The following ZNF165 variants were observed in gnomAD, a reference collection of about 807,000 sequenced individuals.
ZNF165 encodes the protein cancer/testis antigen 53.
Under a neutral mutation model 19.6 loss-of-function variants are expected in ZNF165, and 14 were observed. That is an observed-to-expected ratio of 0.71 (90% confidence interval 0.47 to 1.12). The LOEUF is 1.12. Among genes scored for constraint, ZNF165 ranks in the 50% most tolerant of loss-of-function variants. The pLI is 0.00. For synonymous variants in ZNF165, 165 were observed against 195.0 expected (o/e 0.85, Z 1.28); for missense variants, 504 against 566.3 (o/e 0.89, Z 1.12).
At position 28,085,846 on chromosome 6, in the gene ZNF165, C is replaced by G; in HGVS notation, c.366C>G (p.Thr122=). 1 of 1,613,188 alleles carries G rather than the reference C, an allele frequency of 6.2e-7. No individual in the cohort carries two copies. The highest frequency in any genetic ancestry group is 8.5e-7 in the Non-Finnish European group (1 of 1,179,988). Residue 122 remains threonine, a synonymous_variant, in exon 2 of 4, where the codon ACC becomes ACG. Transcript: ENST00000683778. ...CAGAGAGTGGAGAGGAGGCAGTGAC[C>G]ATACTAGAAGATTTGGAGAGAGGCA... The part of the protein sequence containing the change: ...HYPESGEEAV[T]ILEDLERGTD...
intron 1 of ZNF165, among the ~76,000 whole-genome samples, chr6:28,082,362 GAC>G (rs1764174898): frequency 6.6e-6 from 1 of 152,204 alleles, no homozygotes; most frequent in East Asian, 1.9e-4. Flanking sequence ...AGGAATTAAA[GAC>G]ACACACAGAA....
chr6:28,088,801 TAC>T lies in ZNF165; in HGVS notation c.791_792del (p.Thr264SerfsTer4). On this transcript the variant is annotated frameshift_variant, in exon 4 of 4. Transcript: ENST00000683778. LOFTEE classifies it low-confidence loss of function (END_TRUNC). ...GFGKILTHKN[T>X]VRGEIISHDG... ...TTGGTAAAATCCTCACCCACAAAAA[TAC>T]AGTCAGAGGTGAAATAATAAGCCAC... 1 of 1,614,078 alleles carries T rather than the reference TAC, an allele frequency of 6.2e-7. No individual in the cohort carries two copies.
Position 28,089,531 on chromosome 6 carries a change from AAAAT to A in ZNF165, c.*67_*70del. 2.8e-6 allele frequency: 4 copies of A among 1,432,694 alleles called. No individual in the cohort carries two copies. Among genetic ancestry groups the A allele is most frequent in the Non-Finnish European group, 3.7e-6 (4 of 1,084,886 alleles). 88.7% of individuals were successfully genotyped at this position (1,432,694 alleles called of 1,614,324 possible). ...GCACAATATGAAAAATATTAAATAA[AAAAT>A]AAATATTGGGCAAGATGGAAGACTG... On this transcript the variant is annotated 3_prime_UTR_variant, in exon 4 of 4. Coordinates refer to ENST00000683778, the MANE Select transcript of ZNF165 (RefSeq NM_001376491.1).
Position 28,084,723 on chromosome 6 carries a change from A to G in ZNF165, c.1-758A>G, listed in dbSNP as rs953977952. 5.3e-5 allele frequency among the ~76,000 whole-genome samples: 8 copies of G among 152,222 alleles called. No individual in the cohort carries two copies. In the East Asian group the frequency reaches 1.5e-3, roughly 29 times the overall value. The stretch of plus-strand genomic sequence containing the variant: ...GTGGCCTCTATCTTTTCATATTGCC[A>G]CCCACCCTAGAAATGAAGAACATAT... On this transcript the variant is annotated intron_variant, in intron 1 of 3. Transcript: ENST00000683778.
chr6:28,087,590 T>G (rs899838184), intron 3 of ZNF165, among the ~76,000 whole-genome samples: 2 of 152,322 alleles, frequency 1.3e-5, no homozygotes, highest in Non-Finnish European at 1.5e-5. Flanking sequence ...TTCAGTTTTG[T>G]TCTGGAAACA....
intron 3 of ZNF165, among the ~76,000 whole-genome samples, chr6:28,087,616 T>C (rs1764307409): frequency 6.6e-6 from 1 of 152,198 alleles, no homozygotes; most frequent in South Asian, 2.1e-4. Flanking sequence ...ATCTGTCGTA[T>C]ATAAAATTGT....
upstream of ZNF165, among the ~76,000 whole-genome samples, chr6:28,080,311 G>A (rs1052122877): frequency 1.2e-4 from 18 of 152,174 alleles, no homozygotes; most frequent in Admixed American, 1.0e-3. Context: ...CTCCATCCGT[G>A]AGACGCACCC....
rs372270477 is a variant in ZNF165, at chr6:28,089,427, G to T, written c.1415G>T (p.Ser472Ile). The part of the protein sequence containing the change: ...GRAFSQSSNL[S>I]QHQRIHMREN... ...GCCTTCAGTCAGAGCTCAAACCTTA[G>T]TCAACACCAGAGAATTCACATGAGG... The change falls in exon 4 of 4, where the codon AGT (serine) becomes ATT (isoleucine). Residue 472 changes from serine to isoleucine, a missense_variant. Transcript: ENST00000683778. 6.2e-6 allele frequency: 10 copies of T among 1,611,388 alleles called. No homozygotes were observed. In the African/African-American group the frequency reaches 1.3e-4, roughly 22 times the overall value.
intron 3 of ZNF165, 42 bp downstream of exon 3, chr6:28,086,352 C>T (rs769074079): frequency 1.9e-6 from 3 of 1,573,294 alleles, no homozygotes; most frequent in Non-Finnish European, 2.6e-6. Flanking sequence ...ACTAAAGAAA[C>T]AGGGGAATGA....
In ZNF165 at chr6:28,089,522, A is replaced by G. The variant is rs1366235187; in HGVS notation, c.*52A>G. The G allele has an allele frequency of 1.4e-6, 2 of 1,463,132 alleles. No homozygotes were observed. Among genetic ancestry groups the G allele is most frequent in the Non-Finnish European group, 1.8e-6 (2 of 1,103,450 alleles). 90.6% of individuals were successfully genotyped at this position (1,463,132 alleles called of 1,614,324 possible). On this transcript the variant is annotated 3_prime_UTR_variant, in exon 4 of 4. Coordinates refer to ENST00000683778, the MANE Select transcript of ZNF165 (RefSeq NM_001376491.1). ...GAGGAAATGGCACAATATGAAAAAT[A>G]TTAAATAAAAAATAAATATTGGGCA...
Position 28,088,914 on chromosome 6 carries a change from T to G in ZNF165, c.902T>G (p.Phe301Cys). The G allele has an allele frequency of 6.2e-7, 1 of 1,614,132 alleles. No individual in the cohort carries two copies. The highest frequency in any genetic ancestry group is 8.5e-7 in the Non-Finnish European group (1 of 1,180,022). Residue 301 changes from phenylalanine to cysteine, a missense_variant, in exon 4 of 4, where the codon TTC (phenylalanine) becomes TGC (cysteine). Coordinates refer to ENST00000683778, the MANE Select transcript of ZNF165 (RefSeq NM_001376491.1). ...SCKHGTCDQSFKWNSDFINHQ... is the reference protein window; with the variant it reads ...SCKHGTCDQSCKWNSDFINHQ... ...AAACATGGTACCTGTGACCAGAGCTTCAAATGGAACTCAGATTTTATTAAC... is the reference window on the plus strand; with the variant it reads ...AAACATGGTACCTGTGACCAGAGCTGCAAATGGAACTCAGATTTTATTAAC...
intron 1 of ZNF165, among the ~76,000 whole-genome samples, chr6:28,085,034 T>C (rs1764241457): frequency 6.6e-6 from 1 of 152,228 alleles, no homozygotes; most frequent in South Asian, 2.1e-4. Context: ...TTTTCTATTC[T>C]TCAGAATTTC....
Position 28,085,725 on chromosome 6 carries a change from T to G in ZNF165, c.245T>G (p.Ile82Ser). The change falls in exon 2 of 4, where the codon ATC becomes AGC. Residue 82 changes from isoleucine to serine, a missense_variant. By Grantham distance (142) the Ile-to-Ser change is moderately radical (BLOSUM62 -2). Coordinates refer to ENST00000683778, the MANE Select transcript of ZNF165 (RefSeq NM_001376491.1). ...TGCTGTCAGTGGCTGAAGCCAGAGA[T>G]CCATACCAAGGAACAGATTCTGGAA... is the stretch of plus-strand genomic sequence containing the variant. ...ELCCQWLKPEIHTKEQILELL... is the reference protein window; with the variant it reads ...ELCCQWLKPESHTKEQILELL... The G allele has an allele frequency of 6.2e-7, 1 of 1,613,838 alleles. No homozygotes were observed. Among genetic ancestry groups the G allele is most frequent in the Non-Finnish European group, 8.5e-7 (1 of 1,180,020 alleles).
chr6:28,089,292 C>T lies in ZNF165; in HGVS notation c.1280C>T (p.Pro427Leu). 2.5e-6 allele frequency: 4 copies of T among 1,614,106 alleles called. No homozygotes were observed. Among genetic ancestry groups the T allele is most frequent in the Non-Finnish European group, 3.4e-6 (4 of 1,180,030 alleles). ...CAGAGAATTCACACCAGAGAGAAAC[C>T]CTACGAGTGTAGTGAATGTGGGAAA... The part of the protein sequence containing the change: ...RHQRIHTREK[P>L]YECSECGKTF... The change falls in exon 4 of 4, where the codon CCC (proline) becomes CTC (leucine). Residue 427 changes from proline to leucine, a missense_variant. Physicochemically the swap from Pro to Leu is moderately conservative, Grantham distance 98. Coordinates refer to ENST00000683778, the MANE Select transcript of ZNF165 (RefSeq NM_001376491.1).
chr6:28,087,220 G>A (rs868778914), intron 3 of ZNF165, among the ~76,000 whole-genome samples: 3 of 152,042 alleles, frequency 2.0e-5, no homozygotes, highest in African/African-American at 7.2e-5. Context: ...ATAACTTACC[G>A]TTAATTTTTT....
Position 28,085,841 on chromosome 6 carries a change from G to A in ZNF165, c.361G>A (p.Val121Met). 4 of 1,613,472 alleles carry A rather than the reference G, an allele frequency of 2.5e-6. No individual in the cohort carries two copies. The South Asian group carries it at 4.4e-5, about 18-fold the overall frequency. The change falls in exon 2 of 4, where the codon GTG becomes ATG. Residue 121 changes from valine (V) to methionine (M), a missense_variant. Physicochemically the swap from Val to Met is conservative, Grantham distance 21 (BLOSUM62 1). Transcript: ENST00000683778. ...EHYPESGEEA[V>M]TILEDLERGT... The stretch of plus-strand genomic sequence containing the variant: ...TTACCCAGAGAGTGGAGAGGAGGCA[G>A]TGACCATACTAGAAGATTTGGAGAG...
chr6:28,086,461 C>T lies in ZNF165; in HGVS notation c.550+151C>T, dbSNP rs1044844003. ...TGTGGCCAGGTGCGGTGGCTCACTC[C>T]TGTAATCCCAGCACTTTGGGAGGCC... On this transcript the variant is annotated intron_variant, in intron 3 of 3. Coordinates refer to ENST00000683778, the MANE Select transcript of ZNF165 (RefSeq NM_001376491.1). 185 of 1,191,914 alleles carry T rather than the reference C, an allele frequency of 1.6e-4. No homozygotes were observed. In the African/African-American group the frequency reaches 2.4e-3, roughly 15 times the overall value. The allele number at this position is 1,191,914 out of a possible 1,614,324, so 73.8% of individuals were successfully genotyped here. A position where few individuals can be genotyped will look rare whatever the true frequency, so the allele number is the denominator to read the frequency against.
intron 3 of ZNF165, 81 bp from the exon 4 acceptor site, chr6:28,088,482 T>C (rs1443572555): frequency 1.7e-6 from 2 of 1,169,384 alleles, no homozygotes; most frequent in Non-Finnish European, 2.4e-6. Context: ...GGCATATCAA[T>C]ATGTAACTAT....
intron 3 of ZNF165, 101 bp downstream of exon 3, chr6:28,086,411 T>C: frequency 1.4e-6 from 2 of 1,465,736 alleles, no homozygotes; most frequent in African/African-American, 1.4e-5. Flanking sequence ...TCCTTTCCTT[T>C]ATTACCCAAT....
Sources: allele counts gnomAD v4.1 joint callset (sites outside exome capture counted in the v4.1 genomes callset), GRCh38; gene constraint gnomAD v4.1.1; transcripts MANE v1.5; gene names NCBI Gene and HGNC (gene_info 2026-07-23, HGNC 2026-07-21).